LRRFIP2: variants seen among roughly 807,000 people sequenced by gnomAD.
LRRFIP2 encodes the protein leucine-rich repeat flightless-interacting protein 2.
In LRRFIP2, 109 loss-of-function variants were observed where a neutral mutation model predicts 125.9. The observed-to-expected ratio is 0.87, with a 90% CI of 0.74 to 1.01. LRRFIP2 has a LOEUF of 1.01. Among genes scored for constraint, LRRFIP2 ranks in the 50% least tolerant of loss-of-function variants. The probability of loss-of-function intolerance (pLI) is 0.00; values close to 1 mark genes in which losing one functional copy is unlikely to be tolerated. For missense variants in LRRFIP2, 850 were observed against 862.3 expected (o/e 0.99, Z 0.18); for synonymous variants, 291 against 293.1 (o/e 0.99, Z 0.07).
At chr3:37,093,125 A>AT (rs899462538) in intron 17 of LRRFIP2, 12 of 152,458 alleles carry the variant, frequency 7.9e-5, no homozygotes, top group East Asian at 1.9e-4. Context: ...TGGGTGACAA[A>AT]TTTTTTTTTA....
rs2087582942 is a variant in LRRFIP2, at chr3:37,058,564, ACTCAGGAGG to A, written c.1870+217_1870+225del. 2.0e-5 allele frequency among the ~76,000 whole-genome samples: 3 copies of A among 151,746 alleles called. No individual in the cohort carries two copies. In the South Asian group the frequency reaches 6.2e-4, roughly 32 times the overall value. The stretch of plus-strand genomic sequence containing the variant: ...GTGGCAGGCGCCTATAATCCCAGCT[ACTCAGGAGG>A]CTGAGGCAGGAGAATTACTTGAACC... On this transcript the variant is annotated intron_variant, in intron 25 of 27. Transcript: ENST00000336686.
chr3:37,077,410 G>A (rs1228066897), intron 19 of LRRFIP2, among the ~76,000 whole-genome samples: 4 of 152,064 alleles, frequency 2.6e-5, no homozygotes, highest in Non-Finnish European at 5.9e-5. Context: ...CTACATGCAC[G>A]ACAGCATTTA....
chr3:37,146,204 A>G (rs1197548636), intron 2 of LRRFIP2, among the ~76,000 whole-genome samples: 1 of 152,202 alleles, frequency 6.6e-6, no homozygotes, highest in Non-Finnish European at 1.5e-5. Flanking sequence ...TTCAACTACA[A>G]TTATGTTGTT....
chr3:37,092,193 A>G (rs2093480428), intron 17 of LRRFIP2, among the ~76,000 whole-genome samples: 1 of 152,228 alleles, frequency 6.6e-6, no homozygotes, highest in Non-Finnish European at 1.5e-5. Context: ...AAGAAAAGTG[A>G]AACAGGTCAA....
chr3:37,066,372 G>A (rs2090150104), intron 21 of LRRFIP2, 47 bp from the exon 22 acceptor site: 1 of 1,430,058 alleles, frequency 7.0e-7, no homozygotes, highest in Non-Finnish European at 9.9e-7. Context: ...CAGAAAAAGA[G>A]CAGGTGAAAG....
At position 37,091,556 on chromosome 3, in the gene LRRFIP2, G is replaced by T; in HGVS notation, c.1036-18C>A. On this transcript the variant is annotated intron_variant, in intron 17 of 27. Transcript: ENST00000336686. ...TAGATATCCTGCAGGACATAGGAAT[G>T]AACCATTGCATAAAACCATGCACAA... The T allele has an allele frequency of 6.4e-7, 1 of 1,564,938 alleles. No homozygotes were observed. The highest frequency in any genetic ancestry group is 8.7e-7 in the Non-Finnish European group (1 of 1,147,344).
chr3:37,053,122 G>GA lies in LRRFIP2; in HGVS notation c.*728dup, dbSNP rs1195222065. On this transcript the variant is annotated 3_prime_UTR_variant, in exon 28 of 28. Coordinates refer to ENST00000336686, the MANE Select transcript of LRRFIP2 (RefSeq NM_006309.4). ...GGTTTCATTCCACAAATAAGCAGCA[G>GA]ATAAAATACTTTACAAGGTACAGCA... 6.6e-6 allele frequency: 1 copy of GA among 152,420 alleles called. No individual in the cohort carries two copies. Among genetic ancestry groups the GA allele is most frequent in the African/African-American group, 2.4e-5 (1 of 41,376 alleles). The allele number at this position is 152,420 out of a possible 1,614,324, so 9.4% of individuals were successfully genotyped here.
chr3:37,111,077 A>C lies in LRRFIP2; in HGVS notation c.439-12T>G. ...AAGTAGAGGCCACTCTGCAAAAAGC[A>C]AAATTAAACACATTTTTCTTAGGCT... is the stretch of plus-strand genomic sequence containing the variant. On this transcript the variant is annotated splice_polypyrimidine_tract_variant and intron_variant, in intron 8 of 27. Transcript: ENST00000336686. 2 of 1,610,656 alleles carry C rather than the reference A, an allele frequency of 1.2e-6. No homozygotes were observed. The highest frequency in any genetic ancestry group is 2.7e-5 in the African/African-American group (2 of 74,980).
chr3:37,165,969 T>A (rs1312392554), intron 1 of LRRFIP2, among the ~76,000 whole-genome samples: 1 of 152,164 alleles, frequency 6.6e-6, no homozygotes, highest in African/African-American at 2.4e-5. Context: ...TGATATTGAA[T>A]TTGGCAATGA....
intron 19 of LRRFIP2, among the ~76,000 whole-genome samples, chr3:37,078,845 G>T (rs1423480262): frequency 1.3e-5 from 2 of 152,124 alleles, no homozygotes; most frequent in Non-Finnish European, 2.9e-5. Flanking sequence ...CTCACCAGAA[G>T]TACTTGAGAA....
intron 1 of LRRFIP2, among the ~76,000 whole-genome samples, chr3:37,159,907 T>TA (rs1015542477): frequency 4.3e-5 from 6 of 138,630 alleles, no homozygotes; most frequent in African/African-American, 1.4e-4. Context: ...TAGCCAGGTA[T>TA]AGTGGCTCAC....
Position 37,053,907 on chromosome 3 carries a change from C to T in LRRFIP2, c.2110G>A (p.Ala704Thr). 9 of 1,614,092 alleles carry T rather than the reference C, an allele frequency of 5.6e-6. No homozygotes were observed. The highest frequency in any genetic ancestry group is 7.6e-6 in the Non-Finnish European group (9 of 1,179,964). The change falls in exon 28 of 28, where the codon GCC becomes ACC. Residue 704 changes from alanine (A) to threonine (T), a missense_variant. Ala to Thr is a moderately conservative substitution (Grantham distance 58, BLOSUM62 0). Coordinates refer to ENST00000336686, the MANE Select transcript of LRRFIP2 (RefSeq NM_006309.4). The stretch of plus-strand genomic sequence containing the variant: ...GCCTTCATCTTCTCCAGCCGCTTGG[C>T]CAGGTGGCTGTTGGTCATCTCCATC... ...EEMEMTNSHL[A>T]KRLEKMKANR...
chr3:37,063,999 CAG>C (rs956636945), intron 23 of LRRFIP2: 58 of 509,708 alleles, frequency 1.1e-4, no homozygotes, highest in Admixed American at 3.5e-5. Flanking sequence ...TGATATTTAT[CAG>C]GGCACCAAAT....
At chr3:37,091,624 C>T (rs185973909) in intron 17 of LRRFIP2, 86 bp from the exon 18 acceptor site, 5 of 947,530 alleles carry the variant, frequency 5.3e-6, no homozygotes, top group East Asian at 5.1e-5. Flanking sequence ...ATGTGACTCA[C>T]TTTTGTATAT....
chr3:37,161,780 T>A, intron 1 of LRRFIP2, among the ~76,000 whole-genome samples: 1 of 145,244 alleles, frequency 6.9e-6, no homozygotes. Context: ...TCAAGAAGTC[T>A]TACAGAAAAC....
intron 2 of LRRFIP2, chr3:37,134,625 A>G (rs9832423): frequency 0.37 from 219,899 of 595,592 alleles, 44,381 homozygotes; most frequent in Non-Finnish European, 0.45. Flanking sequence ...GCACATACCG[A>G]GAGAGTGAGG....
chr3:37,129,554 T>C (rs939492759), intron 2 of LRRFIP2, among the ~76,000 whole-genome samples: 1 of 152,224 alleles, frequency 6.6e-6, no homozygotes, highest in African/African-American at 2.4e-5. Context: ...GACAATTCTC[T>C]ACCACTGAGT....
At chr3:37,085,694 G>A (rs1045583436) in intron 18 of LRRFIP2, among the ~76,000 whole-genome samples, 2 of 150,566 alleles carry the variant, frequency 1.3e-5, no homozygotes, top group Non-Finnish European at 3.0e-5. Context: ...CGATTCTCCT[G>A]CCTCAGCCTC....
At chr3:37,157,134 CA>C (rs1255359105) in intron 1 of LRRFIP2, among the ~76,000 whole-genome samples, 2 of 151,588 alleles carry the variant, frequency 1.3e-5, no homozygotes, top group African/African-American at 4.8e-5. Context: ...CGTCTCAAAA[CA>C]AACAAACAAA....
Sources: gnomAD v4.1 joint callset for allele counts (sites outside exome capture counted in the v4.1 genomes callset) on GRCh38, gnomAD v4.1.1 for gene constraint, MANE v1.5 for transcripts, NCBI Gene and HGNC (gene_info 2026-07-23, HGNC 2026-07-21) for gene names.